KCND2: variants seen among roughly 807,000 people sequenced by gnomAD.
KCND2 encodes the protein A-type voltage-gated potassium channel KCND2.
KCND2 carries 16 observed loss-of-function variants against 54.4 expected under a neutral mutation model. The ratio of observed to expected loss-of-function variants is 0.29; its 90% CI spans 0.20 to 0.45. The LOEUF (loss-of-function observed/expected upper bound fraction) is 0.45, where lower values mean the gene tolerates loss of function less well. Among genes scored for constraint, KCND2 ranks in the 20% least tolerant of loss-of-function variants. The probability of loss-of-function intolerance (pLI) is 1.00; values close to 1 mark genes in which losing one functional copy is unlikely to be tolerated. For missense variants in KCND2, 486 were observed against 824.2 expected (o/e 0.59, Z 5.02); for synonymous variants, 317 against 310.7 (o/e 1.02, Z -0.21).
At chr7:120,607,440 C>T (rs1379203126) in intron 1 of KCND2, among the ~76,000 whole-genome samples, 1 of 152,076 alleles carries the variant, frequency 6.6e-6, no homozygotes, top group Non-Finnish European at 1.5e-5. Context: ...TACAGGTTCT[C>T]AATTTTATTT....
chr7:120,560,458 A>G (rs1415533706), intron 1 of KCND2, among the ~76,000 whole-genome samples: 1 of 152,228 alleles, frequency 6.6e-6, no homozygotes, highest in Non-Finnish European at 1.5e-5. Context: ...TTAAGAGCCA[A>G]TATCATCTTA....
chr7:120,371,046 G>T (rs1800757415), intron 1 of KCND2, among the ~76,000 whole-genome samples: 2 of 152,000 alleles, frequency 1.3e-5, no homozygotes, highest in Non-Finnish European at 2.9e-5. Context: ...TGGACCTCAG[G>T]CCACTGAAGC....
chr7:120,610,593 T>G (rs1792941657), intron 1 of KCND2, among the ~76,000 whole-genome samples: 1 of 152,118 alleles, frequency 6.6e-6, no homozygotes, highest in Non-Finnish European at 1.5e-5. Context: ...ATGAGATGCC[T>G]GTACTGCGGG....
intron 1 of KCND2, among the ~76,000 whole-genome samples, chr7:120,614,987 C>A (rs939182699): frequency 1.3e-5 from 2 of 152,148 alleles, no homozygotes; most frequent in Non-Finnish European, 2.9e-5. Flanking sequence ...ATCATACACT[C>A]AAAGAATTCA....
At chr7:120,725,068 G>GA (rs1255291383) in intron 1 of KCND2, among the ~76,000 whole-genome samples, 8 of 151,722 alleles carry the variant, frequency 5.3e-5, no homozygotes, top group Non-Finnish European at 8.8e-5. Context: ...AAAGCAAGAG[G>GA]AAAAAAATAG....
chr7:120,670,894 C>T (rs1191991830), intron 1 of KCND2, among the ~76,000 whole-genome samples: 2 of 143,232 alleles, frequency 1.4e-5, no homozygotes, highest in Non-Finnish European at 3.0e-5. Flanking sequence ...CCAGCCTGGG[C>T]GACAGAGCCA....
At chr7:120,362,210 C>G (rs1800602221) in intron 1 of KCND2, among the ~76,000 whole-genome samples, 1 of 152,004 alleles carries the variant, frequency 6.6e-6, no homozygotes, top group Non-Finnish European at 1.5e-5. Flanking sequence ...TGTCCGTTAC[C>G]CTCTCCATAA....
chr7:120,383,839 C>A (rs189433685), intron 1 of KCND2, among the ~76,000 whole-genome samples: 2 of 152,156 alleles, frequency 1.3e-5, no homozygotes, highest in East Asian at 3.9e-4. Context: ...TCACAGTGCA[C>A]CTTATAATCA....
intron 1 of KCND2, among the ~76,000 whole-genome samples, chr7:120,579,535 A>T (rs2116440657): frequency 6.6e-6 from 1 of 151,474 alleles, no homozygotes; most frequent in South Asian, 2.1e-4. Flanking sequence ...CAGGGAGTCG[A>T]AGGTTGCAGT....
At chr7:120,561,539 G>A (rs577275559) in intron 1 of KCND2, among the ~76,000 whole-genome samples, 25 of 151,456 alleles carry the variant, frequency 1.7e-4, no homozygotes, top group African/African-American at 5.3e-4. Context: ...TACAAGGCTG[G>A]GCTATAAACC....
chr7:120,721,016 A>G (rs1469333374), intron 1 of KCND2, among the ~76,000 whole-genome samples: 3 of 152,116 alleles, frequency 2.0e-5, no homozygotes, highest in South Asian at 4.1e-4. Flanking sequence ...GCTGCATTTA[A>G]AAAAAATAGT....
chr7:120,449,340 A>AT (rs1222342337), intron 1 of KCND2, among the ~76,000 whole-genome samples: 1 of 151,962 alleles, frequency 6.6e-6, no homozygotes, highest in African/African-American at 2.4e-5. Flanking sequence ...AAAAAAAAAA[A>AT]AAAATATTTT....
chr7:120,309,031 G>A (rs916555430), intron 1 of KCND2, among the ~76,000 whole-genome samples: 2 of 152,128 alleles, frequency 1.3e-5, no homozygotes, highest in Admixed American at 6.5e-5. Context: ...ATGGGCAGTG[G>A]CAAATGACTC....
At chr7:120,335,224 G>A (rs576580988) in intron 1 of KCND2, among the ~76,000 whole-genome samples, 17 of 151,796 alleles carry the variant, frequency 1.1e-4, no homozygotes, top group East Asian at 2.0e-4. Flanking sequence ...TTAGCTGGGC[G>A]TGGTAGTGCA....
At chr7:120,301,227 A>G (rs1197026220) in intron 1 of KCND2, among the ~76,000 whole-genome samples, 1 of 152,194 alleles carries the variant, frequency 6.6e-6, no homozygotes, top group Non-Finnish European at 1.5e-5. Flanking sequence ...GAGGTAGGTA[A>G]TATTACTATA....
chr7:120,672,431 C>T (rs1192351545), intron 1 of KCND2, among the ~76,000 whole-genome samples: 1 of 152,086 alleles, frequency 6.6e-6, no homozygotes, highest in Admixed American at 6.5e-5. Flanking sequence ...CTACTGACCC[C>T]TCCTACCTGT....
chr7:120,566,634 G>A lies in KCND2; in HGVS notation c.1116-166269G>A, dbSNP rs567078809. ...GTGCTGAGATTATAGGCATGAGCCC[G>A]GTCTTGTGTCACCTCTTTAGCAAGA... is the stretch of plus-strand genomic sequence containing the variant. On this transcript the variant is annotated intron_variant, in intron 1 of 5. Coordinates refer to ENST00000331113, the MANE Select transcript of KCND2 (RefSeq NM_012281.3). Among the ~76,000 whole-genome samples the A allele has an allele frequency of 1.1e-3, 161 of 152,070 alleles. 2 individuals are homozygous for A. The highest frequency in any genetic ancestry group is 2.1e-3 in the South Asian group (10 of 4,808).
chr7:120,747,026 G>A (rs1357476522), intron 5 of KCND2: 1 of 152,020 alleles, frequency 6.6e-6, no homozygotes, highest in Non-Finnish European at 1.5e-5. Context: ...GAAAATCTTA[G>A]GACATAAACA....
intron 1 of KCND2, among the ~76,000 whole-genome samples, chr7:120,586,705 G>A (rs897816275): frequency 6.6e-6 from 1 of 152,154 alleles, no homozygotes; most frequent in Non-Finnish European, 1.5e-5. Flanking sequence ...CTGACTTGCA[G>A]AGGATTTTTT....
Sources: gnomAD v4.1 joint callset for allele counts (sites outside exome capture counted in the v4.1 genomes callset) on GRCh38, gnomAD v4.1.1 for gene constraint, MANE v1.5 for transcripts, NCBI Gene and HGNC (gene_info 2026-07-23, HGNC 2026-07-21) for gene names.